Variants in TNRC18 observed in about 807,000 individuals in gnomAD.
TNRC18 encodes the protein trinucleotide repeat containing 18, also known as trinucleotide repeat-containing gene 18 protein.
Under a neutral mutation model 226.7 loss-of-function variants are expected in TNRC18, and 69 were observed. The ratio of observed to expected loss-of-function variants is 0.30; its 90% CI spans 0.25 to 0.37. TNRC18 has a LOEUF of 0.37. Ranked by LOEUF, TNRC18 falls within the 10% of genes least tolerant of loss-of-function variation. The pLI is 1.00. For missense variants in TNRC18, 4,754 were observed against 4,256.6 expected, an observed-to-expected ratio of 1.12 and a Z score of -3.25; for synonymous variants, 2,449 against 1,927.6, an observed-to-expected ratio of 1.27 and a Z score of -7.09.
chr7:5,379,885 C>T (rs945103598), intron 5 of TNRC18, among the ~76,000 whole-genome samples: 3 of 152,198 alleles, frequency 2.0e-5, no homozygotes. Context: ...GGAGCTAGGT[C>T]CTCCTACGCA....
intron 24 of TNRC18, among the ~76,000 whole-genome samples, chr7:5,319,339 CT>C (rs917388997): frequency 2.0e-5 from 3 of 151,004 alleles, no homozygotes; most frequent in Non-Finnish European, 3.0e-5. Flanking sequence ...TGTGAGTGGG[CT>C]TTTTTTTTGC....
chr7:5,309,763 G>T lies in TNRC18; in HGVS notation c.8389-395C>A, dbSNP rs572482212. ...AGAATACAGGCGCACACCACGCCCG[G>T]CTAATTTTGATTATTTTTGTAGAGA... is the stretch of plus-strand genomic sequence containing the variant. On this transcript the variant is annotated intron_variant, in intron 27 of 29. Transcript: ENST00000430969. The surrounding 1 kb of genome is among the most constrained non-coding windows in gnomAD (Gnocchi z 5.7). 3.3e-5 allele frequency among the ~76,000 whole-genome samples: 5 copies of T among 152,256 alleles called. No homozygotes were observed. The South Asian group carries it at 8.3e-4, about 25-fold the overall frequency.
chr7:5,380,493 C>A (rs1471505253), intron 5 of TNRC18, among the ~76,000 whole-genome samples: 5 of 152,200 alleles, frequency 3.3e-5, no homozygotes, highest in Non-Finnish European at 5.9e-5. Context: ...AGAGAGGAAC[C>A]CAGAGAGGGG....
In TNRC18 at chr7:5,345,664, C is replaced by T. The variant is rs1202027826; in HGVS notation, c.5617G>A (p.Ala1873Thr). ...ACCGTGGGGCTGGGGAGGGCGCTGG[C>T]GGCGAAGCGTGCCAGCAGGCCCAGC... is the stretch of plus-strand genomic sequence containing the variant. Reference protein sequence around the residue: ...SGLGLLARFAASALPSPTVGP... With the variant: ...SGLGLLARFATSALPSPTVGP... Residue 1873 changes from alanine to threonine, a missense_variant, in exon 18 of 30, where the codon GCC becomes ACC. By Grantham distance (58) the Ala-to-Thr change is moderately conservative (BLOSUM62 0). Transcript: ENST00000430969. The T allele has an allele frequency of 1.5e-5, 24 of 1,552,430 alleles. No individual in the cohort carries two copies. The highest frequency in any genetic ancestry group is 5.5e-5 in the African/African-American group (4 of 73,144).
intron 11 of TNRC18, among the ~76,000 whole-genome samples, chr7:5,365,398 C>T (rs1219087434): frequency 6.6e-6 from 1 of 152,118 alleles, no homozygotes; most frequent in Non-Finnish European, 1.5e-5. Flanking sequence ...CAGGCGTGAG[C>T]CACCGTGTCC....
At chr7:5,392,427 A>C (rs1409902585) in intron 3 of TNRC18, among the ~76,000 whole-genome samples, 1 of 151,982 alleles carries the variant, frequency 6.6e-6, no homozygotes, top group African/African-American at 2.4e-5. Context: ...CAGCCTGACC[A>C]ACATGGTAAA....
At chr7:5,330,770 C>T (rs1464110086) in intron 19 of TNRC18, among the ~76,000 whole-genome samples, 4 of 152,074 alleles carry the variant, frequency 2.6e-5, no homozygotes, top group African/African-American at 9.7e-5. Flanking sequence ...GCCTTCCGGG[C>T]TCAAGAGATT....
intron 2 of TNRC18, chr7:5,420,559 C>G (rs1266717098): frequency 8.9e-6 from 4 of 447,800 alleles, no homozygotes; most frequent in African/African-American, 2.0e-5. Context: ...CCGGCGTACT[C>G]CCGCATCCCC....
chr7:5,403,253 C>A (rs1440172278), intron 2 of TNRC18, among the ~76,000 whole-genome samples: 1 of 151,908 alleles, frequency 6.6e-6, no homozygotes, highest in African/African-American at 2.4e-5. Context: ...CTCTACCTCC[C>A]GGGTTCAAGC....
In TNRC18 at chr7:5,421,219, G is replaced by T; in HGVS notation, c.28C>A (p.Arg10=). The T allele has an allele frequency of 7.6e-7, 1 of 1,320,014 alleles. No homozygotes were observed. Among genetic ancestry groups the T allele is most frequent in the Non-Finnish European group, 9.7e-7 (1 of 1,031,668 alleles). The allele number at this position is 1,320,014 out of a possible 1,614,324, so 81.8% of individuals were successfully genotyped here. The change falls in exon 2 of 30, where the codon CGG becomes AGG. Residue 10 remains arginine, a synonymous_variant. Transcript: ENST00000430969. MDGRDFGPQ[R]SVHGPPPPLL... is the part of the protein sequence containing the mutation. ...GGCGGCGGGGGACCGTGCACGGACCGCTGGGGCCCGAAGTCTCGGCCATCC... is the reference window on the plus strand; with the variant it reads ...GGCGGCGGGGGACCGTGCACGGACCTCTGGGGCCCGAAGTCTCGGCCATCC...
chr7:5,349,675 T>G (rs1791577804), intron 17 of TNRC18, among the ~76,000 whole-genome samples: 1 of 152,236 alleles, frequency 6.6e-6, no homozygotes. Flanking sequence ...GCCTTCGCTT[T>G]GCGTCCAGAG....
intron 19 of TNRC18, among the ~76,000 whole-genome samples, chr7:5,326,959 C>G (rs1367052797): frequency 6.6e-6 from 1 of 151,790 alleles, no homozygotes; most frequent in Non-Finnish European, 1.5e-5. Flanking sequence ...CCCATCTCTA[C>G]TAAAAATATA....
chr7:5,345,569 G>T lies in TNRC18; in HGVS notation c.5712C>A (p.Ser1904Arg), dbSNP rs1161807489. Residue 1904 changes from serine (S) to arginine (R), a missense_variant, in exon 18 of 30, where the codon AGC becomes AGA. By Grantham distance (110) the Ser-to-Arg change is moderately radical. Transcript: ENST00000430969. ...QKARKKEERQSLLGTEFEYTD... is the reference protein window; with the variant it reads ...QKARKKEERQRLLGTEFEYTD... ...CCACCTGCTGCCACTTACCCAGCAG[G>T]CTCTGCCGCTCCTCTTTCTTCCGGG... The T allele has an allele frequency of 3.3e-6, 4 of 1,201,354 alleles. No homozygotes were observed. Among genetic ancestry groups the T allele is most frequent in the Non-Finnish European group, 4.3e-6 (4 of 937,772 alleles). 74.4% of individuals were successfully genotyped at this position (1,201,354 alleles called of 1,614,324 possible).
chr7:5,389,198 C>A lies in TNRC18; in HGVS notation c.626G>T (p.Arg209Leu), dbSNP rs1430577737. ...AGGCGGCTCCCCGCCGCGGCCCGCC[C>A]GCTCCTTGGCTGGACCGTCCCGCGA... The part of the protein sequence containing the change: ...SSSRDGPAKE[R>L]AGRGGEPPPL... The change falls in exon 5 of 30, where the codon CGG becomes CTG. Residue 209 changes from arginine (R) to leucine (L), a missense_variant. Transcript: ENST00000430969. 5 of 1,329,784 alleles carry A rather than the reference C, an allele frequency of 3.8e-6. No homozygotes were observed. Among genetic ancestry groups the A allele is most frequent in the Non-Finnish European group, 3.8e-6 (4 of 1,042,436 alleles). 82.4% of individuals were successfully genotyped at this position (1,329,784 alleles called of 1,614,324 possible).
chr7:5,354,265 G>A (rs1353584038), intron 16 of TNRC18, among the ~76,000 whole-genome samples: 5 of 151,944 alleles, frequency 3.3e-5, no homozygotes, highest in Non-Finnish European at 7.4e-5. Flanking sequence ...CCTCACACGT[G>A]CCAAGAGTGA....
intron 18 of TNRC18, among the ~76,000 whole-genome samples, chr7:5,341,613 A>C (rs1292609946): frequency 6.6e-6 from 1 of 151,086 alleles, no homozygotes; most frequent in Non-Finnish European, 1.5e-5. Context: ...AAAATACAAA[A>C]ATCAGCCACA....
chr7:5,377,013 C>G lies in TNRC18; in HGVS notation c.2462-20G>C, dbSNP rs534695818. ...CCAAGCCTAGGAGGAGAAGCCCAGG[C>G]CTGAGTCAGTGCTGGGAGCCCCCAA... On this transcript the variant is annotated intron_variant, in intron 7 of 29. Transcript: ENST00000430969. This position sits in a 1 kb window ranked among gnomAD's most constrained non-coding sequence, Gnocchi z 5.8. 3 of 1,563,594 alleles carry G rather than the reference C, an allele frequency of 1.9e-6. No individual in the cohort carries two copies. The highest frequency in any genetic ancestry group is 2.4e-5 in the South Asian group (2 of 84,990).
chr7:5,316,231 G>A (rs1161922571), intron 24 of TNRC18, among the ~76,000 whole-genome samples, 159 bp from the exon 25 acceptor site: 1 of 151,096 alleles, frequency 6.6e-6, no homozygotes, highest in Non-Finnish European at 1.5e-5. Flanking sequence ...TCAGAATGTG[G>A]GTGTTAGAGC....
In TNRC18 at chr7:5,359,530, C is replaced by T; in HGVS notation, c.4701G>A (p.Glu1567=). 6.2e-7 allele frequency: 1 copy of T among 1,614,006 alleles called. No homozygotes were observed. Among genetic ancestry groups the T allele is most frequent in the Non-Finnish European group, 8.5e-7 (1 of 1,179,894 alleles). The part of the protein sequence containing the change: ...SKSLLTSDDY[E]LGAGIRKRHK... ...GTCTCTTTCTTATCCCTGCTCCCAG[C>T]TCATAATCATCTGATGTCAGCAGAG... The change falls in exon 15 of 30, where the codon GAG becomes GAA. Residue 1567 remains glutamate (E), a synonymous_variant. Transcript: ENST00000430969.
Sources: allele counts gnomAD v4.1 joint callset (sites outside exome capture counted in the v4.1 genomes callset), GRCh38; gene constraint gnomAD v4.1.1; non-coding constraint Gnocchi (gnomAD v3.1); transcripts MANE v1.5; gene names NCBI Gene and HGNC (gene_info 2026-07-23, HGNC 2026-07-21).